The following PUM1 variants were observed in gnomAD, a reference collection of about 807,000 sequenced individuals.
The protein encoded by PUM1 is pumilio homolog 1.
PUM1 carries 13 observed loss-of-function variants against 131.8 expected under a neutral mutation model. The observed-to-expected ratio is 0.10, with a 90% CI of 0.06 to 0.16. The LOEUF is 0.16. PUM1 is among the 10% of genes least tolerant of loss of function. The pLI is 1.00. For missense variants in PUM1, 961 were observed against 1,512.4 expected, an observed-to-expected ratio of 0.64 and a Z score of 6.05; for synonymous variants, 509 against 556.5, an observed-to-expected ratio of 0.91 and a Z score of 1.20.
At chr1:31,056,009 G>A (rs530954105) in intron 2 of PUM1, among the ~76,000 whole-genome samples, 13 of 152,240 alleles carry the variant, frequency 8.5e-5, no homozygotes, top group Middle Eastern at 3.4e-3. Flanking sequence ...AGAGATTACA[G>A]GGTTTGTTTT....
chr1:30,933,447 C>T (rs1009141688), intron 21 of PUM1, 105 bp from the exon 22 acceptor site: 37 of 605,314 alleles, frequency 6.1e-5, no homozygotes, highest in African/African-American at 2.2e-4. Flanking sequence ...CATACACACA[C>T]ACACACACAC....
intron 7 of PUM1, among the ~76,000 whole-genome samples, chr1:30,984,997 A>C (rs1315200152): frequency 6.6e-6 from 1 of 152,156 alleles, no homozygotes; most frequent in Admixed American, 6.5e-5. Context: ...CTATATACAT[A>C]GCAGACAGGG....
intron 16 of PUM1, 77 bp from the exon 17 acceptor site, chr1:30,950,338 C>A: frequency 6.8e-7 from 1 of 1,465,346 alleles, no homozygotes; most frequent in Non-Finnish European, 9.3e-7. Context: ...ATTCATTATT[C>A]TGCATCAACC....
Position 31,038,986 on chromosome 1 carries a change from T to TATA in PUM1, c.364-10123_364-10122insTAT, listed in dbSNP as rs1557599381. Among the ~76,000 whole-genome samples, 110 of 27,456 alleles carry TATA rather than the reference T, an allele frequency of 4.0e-3. 1 individual carries two copies. The highest frequency in any genetic ancestry group is 0.019 in the South Asian group (13 of 684). 18.0% of individuals were successfully genotyped at this position (27,456 alleles called of 152,430 possible). A position where few individuals can be genotyped will look rare whatever the true frequency, so the allele number is the denominator to read the frequency against. ...TATATATATATATATATATATATAT[T>TATA]TTTTTTTTTTTTTTCCTTTTCTCTT... On this transcript the variant is annotated intron_variant, in intron 2 of 21. Coordinates refer to ENST00000426105, the MANE Select transcript of PUM1 (RefSeq NM_001020658.2).
Position 30,966,122 on chromosome 1 carries a change from T to C in PUM1, c.1946A>G (p.Asn649Ser). 6.2e-7 allele frequency: 1 copy of C among 1,613,876 alleles called. No homozygotes were observed. The highest frequency in any genetic ancestry group is 8.5e-7 in the Non-Finnish European group (1 of 1,179,968). ...NLASSSFYGN[N>S]SLNSNSQSSS... is the part of the protein sequence containing the mutation. ...GCTCTGTGAATTGCTGTTCAGAGAG[T>C]TGTTGCCGTAGAAAGAACTGGATGC... The change falls in exon 13 of 22, where the codon AAC becomes AGC. Residue 649 changes from asparagine to serine, a missense_variant. Asn to Ser is a conservative substitution (Grantham distance 46). Around this residue, in one of 4 missense-constraint regions of PUM1, gnomAD observed 654 missense variants for 923.9 expected, o/e 0.71. Transcript: ENST00000426105.
At chr1:31,014,947 G>A (rs1355531203) in intron 3 of PUM1, among the ~76,000 whole-genome samples, 2 of 152,154 alleles carry the variant, frequency 1.3e-5, no homozygotes. Context: ...GTGCAACATA[G>A]TGAGACCCTG....
At chr1:31,014,891 T>C (rs1170817925) in intron 3 of PUM1, among the ~76,000 whole-genome samples, 1 of 151,976 alleles carries the variant, frequency 6.6e-6, no homozygotes, top group East Asian at 1.9e-4. Flanking sequence ...CCCAGCATAT[T>C]GGTAGGCAGA....
At chr1:31,012,505 T>G (rs1642656228) in intron 3 of PUM1, among the ~76,000 whole-genome samples, 1 of 141,612 alleles carries the variant, frequency 7.1e-6, no homozygotes, top group Non-Finnish European at 1.5e-5. Flanking sequence ...ACACTGTTTA[T>G]CCCACCCTGA....
chr1:31,062,732 A>G (rs976673321), intron 1 of PUM1, among the ~76,000 whole-genome samples: 1 of 152,136 alleles, frequency 6.6e-6, no homozygotes, highest in African/African-American at 2.4e-5. Flanking sequence ...TACTGCTACA[A>G]ATGCTTTATC....
chr1:30,967,333 G>T, intron 11 of PUM1, 23 bp from the exon 12 acceptor site: 1 of 1,605,338 alleles, frequency 6.2e-7, no homozygotes, highest in South Asian at 1.1e-5. Flanking sequence ...AGCCAACAAA[G>T]AAATGTATAT....
At chr1:31,033,407 A>T in intron 2 of PUM1, among the ~76,000 whole-genome samples, 1 of 109,624 alleles carries the variant, frequency 9.1e-6, no homozygotes, top group Non-Finnish European at 1.8e-5. Flanking sequence ...TTTTTTTGAG[A>T]CGGAGTCTCG....
intron 10 of PUM1, among the ~76,000 whole-genome samples, chr1:30,970,752 G>A (rs1640842853): frequency 6.6e-6 from 1 of 151,986 alleles, no homozygotes; most frequent in African/African-American, 2.4e-5. Context: ...TCTCACTCTA[G>A]GATAAGTAAA....
At chr1:31,028,438 G>A (rs1377309800) in intron 3 of PUM1, among the ~76,000 whole-genome samples, 1 of 150,848 alleles carries the variant, frequency 6.6e-6, no homozygotes, top group African/African-American at 2.4e-5. Context: ...TGGGTTGGGG[G>A]AAAACCTAGC....
chr1:31,035,014 C>G (rs1259018563), intron 2 of PUM1, among the ~76,000 whole-genome samples: 1 of 152,128 alleles, frequency 6.6e-6, no homozygotes, highest in Non-Finnish European at 1.5e-5. Context: ...GGGAAAAAAA[C>G]CTAGTAAATC....
Position 31,052,700 on chromosome 1 carries a change from C to CTT in PUM1, c.363+6502_363+6503dup, listed in dbSNP as rs1376812559. ...TAGTATTTTGCTCCATATCCATTAT[C>CTT]TTTTTTTTTTTTTTTTGAGACAGAG... On this transcript the variant is annotated intron_variant, in intron 2 of 21. Transcript: ENST00000426105. 5.3e-3 allele frequency among the ~76,000 whole-genome samples: 717 copies of CTT among 134,968 alleles called. 5 individuals carry two copies. Among genetic ancestry groups the CTT allele is most frequent in the East Asian group, 0.027 (127 of 4,624 alleles). 88.5% of individuals were successfully genotyped at this position (134,968 alleles called of 152,430 possible).
At chr1:31,020,885 T>A (rs1014481697) in intron 3 of PUM1, among the ~76,000 whole-genome samples, 1 of 152,206 alleles carries the variant, frequency 6.6e-6, no homozygotes, top group East Asian at 1.9e-4. Context: ...ATGGATTTGC[T>A]TTGATGTTAT....
At chr1:30,971,885 A>G (rs189500253) in intron 10 of PUM1, among the ~76,000 whole-genome samples, 36 of 152,318 alleles carry the variant, frequency 2.4e-4, no homozygotes, top group Non-Finnish European at 4.4e-4. Context: ...TTCCAAATGC[A>G]TAATAATTTG....
In PUM1 at chr1:30,955,226, C is replaced by T. The variant is rs1006212350; in HGVS notation, c.2324-1245G>A. Among the ~76,000 whole-genome samples, 191 of 150,642 alleles carry T rather than the reference C, an allele frequency of 1.3e-3. 1 individual carries two copies. The highest frequency in any genetic ancestry group is 0.012 in the Admixed American group (188 of 15,070). On this transcript the variant is annotated intron_variant, in intron 14 of 21. Coordinates refer to ENST00000426105, the MANE Select transcript of PUM1 (RefSeq NM_001020658.2). Reference sequence around the variant, plus strand: ...ATCCTGACACTTTGGGAGGCTGAGACGGGCCGATCACAAGGTCGGGAGATC... The same window carrying T: ...ATCCTGACACTTTGGGAGGCTGAGATGGGCCGATCACAAGGTCGGGAGATC...
intron 7 of PUM1, among the ~76,000 whole-genome samples, chr1:30,990,191 G>A (rs769836117): frequency 2.0e-5 from 3 of 152,202 alleles, no homozygotes; most frequent in Non-Finnish European, 2.9e-5. Context: ...ATTATAATAG[G>A]GATGGGGGAA....
Sources: gnomAD v4.1 joint callset for allele counts (sites outside exome capture counted in the v4.1 genomes callset) on GRCh38, gnomAD v4.1.1 for gene constraint, gnomAD v4.1.1 regional missense constraint, MANE v1.5 for transcripts, NCBI Gene and HGNC (gene_info 2026-07-23, HGNC 2026-07-21) for gene names.